CALN1: variants seen among roughly 807,000 people sequenced by gnomAD.
CALN1 encodes calcium-binding protein 8.
CALN1 carries 17 observed loss-of-function variants against 30.6 expected under a neutral mutation model. That is an observed-to-expected ratio of 0.56 (90% CI 0.38 to 0.83). The LOEUF (loss-of-function observed/expected upper bound fraction) is 0.83, where lower values mean the gene tolerates loss of function less well. Ranked by LOEUF, CALN1 falls within the 40% of genes least tolerant of loss-of-function variation. The pLI, the probability that CALN1 is intolerant of heterozygous loss-of-function variation, is 0.00. For synonymous variants in CALN1, 156 were observed against 131.4 expected (o/e 1.19, Z -1.28); for missense variants, 291 against 354.9 (o/e 0.82, Z 1.45).
chr7:72,047,226 G>C (rs1584821061), intron 4 of CALN1, among the ~76,000 whole-genome samples: 1 of 152,288 alleles, frequency 6.6e-6, no homozygotes, highest in East Asian at 1.9e-4. Flanking sequence ...CTTTGTGTTA[G>C]ATATGGCCAA....
At chr7:72,317,831 T>A (rs1051346039) in intron 2 of CALN1, among the ~76,000 whole-genome samples, 4 of 151,988 alleles carry the variant, frequency 2.6e-5, no homozygotes, top group Admixed American at 2.0e-4. Flanking sequence ...CCAGCCCTGG[T>A]AAACACCGGG....
intron 5 of CALN1, among the ~76,000 whole-genome samples, chr7:71,898,642 G>C (rs2116926559): frequency 6.6e-6 from 1 of 152,072 alleles, no homozygotes; most frequent in African/African-American, 2.4e-5. Flanking sequence ...GCCCAAGGAA[G>C]ACACATAAAA....
At chr7:72,501,350 T>C in the CALN1 span, among the ~76,000 whole-genome samples, 2 of 85,900 alleles carry the variant, frequency 2.3e-5, no homozygotes, top group East Asian at 7.4e-4. Flanking sequence ...CTGGGCAACA[T>C]AGTGAGGCCA....
chr7:72,453,299 A>G, the CALN1 span, among the ~76,000 whole-genome samples: 1 of 152,252 alleles, frequency 6.6e-6, no homozygotes, highest in Non-Finnish European at 1.5e-5. Flanking sequence ...GCTACCCCAC[A>G]GTGTGTGGAG....
chr7:71,804,357 A>C (rs1192847729), intron 6 of CALN1, among the ~76,000 whole-genome samples: 3 of 152,164 alleles, frequency 2.0e-5, no homozygotes, highest in Non-Finnish European at 4.4e-5. Flanking sequence ...AAAGTAAAAA[A>C]GTTAGCCTGG....
At chr7:72,206,963 T>C (rs1791929703) in intron 3 of CALN1, among the ~76,000 whole-genome samples, 2 of 152,176 alleles carry the variant, frequency 1.3e-5, no homozygotes, top group South Asian at 2.1e-4. Context: ...TTCCCAAATA[T>C]AGACATTATC....
At chr7:72,305,916 C>CTCTCTGGTA (rs1799617180) in intron 2 of CALN1, among the ~76,000 whole-genome samples, 1 of 152,142 alleles carries the variant, frequency 6.6e-6, no homozygotes, top group Non-Finnish European at 1.5e-5. Context: ...AGAGGGCAAG[C>CTCTCTGGTA]TCTCTGGTAT....
At chr7:72,465,578 C>G in the CALN1 span, among the ~76,000 whole-genome samples, 1 of 152,128 alleles carries the variant, frequency 6.6e-6, no homozygotes, top group Non-Finnish European at 1.5e-5. Context: ...ATGGAGCTCT[C>G]CAAGGCCAGA....
At chr7:72,174,273 C>T (rs1267534957) in intron 3 of CALN1, among the ~76,000 whole-genome samples, 1 of 152,068 alleles carries the variant, frequency 6.6e-6, no homozygotes, top group African/African-American at 2.4e-5. Flanking sequence ...AACTCTCATA[C>T]ACCAATGGTG....
chr7:72,269,597 A>G (rs1235160753), intron 3 of CALN1, among the ~76,000 whole-genome samples: 1 of 152,146 alleles, frequency 6.6e-6, no homozygotes, highest in Non-Finnish European at 1.5e-5. Context: ...TAGAAAGACC[A>G]CCTCTTAAGA....
intron 5 of CALN1, among the ~76,000 whole-genome samples, chr7:71,900,395 T>C (rs1463413389): frequency 6.6e-6 from 1 of 152,240 alleles, no homozygotes; most frequent in African/African-American, 2.4e-5. Context: ...GATATGATCT[T>C]ATACCTAGAA....
chr7:72,278,330 A>G (rs144818871), intron 3 of CALN1, among the ~76,000 whole-genome samples: 103 of 152,324 alleles, frequency 6.8e-4, no homozygotes, highest in African/African-American at 2.3e-3. Context: ...GTCAGTGACA[A>G]CACAGAAACA....
intron 5 of CALN1, among the ~76,000 whole-genome samples, chr7:71,851,271 G>A (rs1790630505): frequency 1.4e-5 from 2 of 147,600 alleles, no homozygotes; most frequent in South Asian, 4.3e-4. Flanking sequence ...TATACAGCTG[G>A]GTGCAGTAGG....
chr7:72,276,829 C>T (rs941896298), intron 3 of CALN1, among the ~76,000 whole-genome samples: 8 of 152,108 alleles, frequency 5.3e-5, no homozygotes, highest in African/African-American at 1.9e-4. Context: ...ATATCAATTA[C>T]CCAGAAGGTA....
chr7:71,787,627 C>G lies in CALN1; in HGVS notation c.*148G>C, dbSNP rs1793049140. On this transcript the variant is annotated 3_prime_UTR_variant, in exon 7 of 7. Transcript: ENST00000395275. The stretch of plus-strand genomic sequence containing the variant: ...AAGCTGAAGTGCAACCCCAGTTGCA[C>G]TCAACCTTGGGTTCTTTACTGAACG... The G allele has an allele frequency of 1.7e-6, 2 of 1,176,128 alleles. No individual in the cohort carries two copies. Among genetic ancestry groups the G allele is most frequent in the East Asian group, 5.2e-5 (2 of 38,510 alleles). 72.9% of individuals were successfully genotyped at this position (1,176,128 alleles called of 1,614,324 possible). A position where few individuals can be genotyped will look rare whatever the true frequency, so the allele number is the denominator to read the frequency against.
intron 3 of CALN1, among the ~76,000 whole-genome samples, chr7:72,199,354 A>C (rs1363735986): frequency 6.6e-6 from 1 of 152,218 alleles, no homozygotes; most frequent in Non-Finnish European, 1.5e-5. Flanking sequence ...CTACAATCCA[A>C]AAATACAGAA....
At chr7:72,321,371 G>C (rs1800867853) in intron 2 of CALN1, among the ~76,000 whole-genome samples, 1 of 152,166 alleles carries the variant, frequency 6.6e-6, no homozygotes, top group African/African-American at 2.4e-5. Flanking sequence ...CATCACGGCT[G>C]GGTGATAAAT....
Position 72,131,023 on chromosome 7 carries a change from C to A in CALN1, c.245-24729G>T, listed in dbSNP as rs373584546. On this transcript the variant is annotated intron_variant, in intron 3 of 6. Transcript: ENST00000395275. ...CAGCCCTCTTCCTTTGACAATCACA[C>A]CTCTTGGTGTACTAAGCACCCATGG... Among the ~76,000 whole-genome samples the A allele has an allele frequency of 2.8e-4, 42 of 152,270 alleles. 1 individual carries two copies. The East Asian group carries it at 6.6e-3, about 24-fold the overall frequency.
chr7:72,119,841 C>T (rs904193803), intron 3 of CALN1, among the ~76,000 whole-genome samples: 1 of 152,100 alleles, frequency 6.6e-6, no homozygotes, highest in Non-Finnish European at 1.5e-5. Flanking sequence ...CAGGTCCCTC[C>T]CATGACATGT....
Sources: gnomAD v4.1 joint callset for allele counts (sites outside exome capture counted in the v4.1 genomes callset) on GRCh38, gnomAD v4.1.1 for gene constraint, MANE v1.5 for transcripts, NCBI Gene and HGNC (gene_info 2026-07-23, HGNC 2026-07-21) for gene names.